GLYR1: variants seen among roughly 807,000 people sequenced by gnomAD.
The protein encoded by GLYR1 is glyoxylate reductase 1 homolog, also known as cytokine-like nuclear factor N-PAC.
Under a neutral mutation model 72.7 loss-of-function variants are expected in GLYR1, and 21 were observed. That is an observed-to-expected ratio of 0.29 (90% CI 0.20 to 0.42). The LOEUF (loss-of-function observed/expected upper bound fraction) is 0.42. GLYR1 is among the 10% of genes least tolerant of loss of function. GLYR1 has a pLI of 1.00. For missense variants in GLYR1, 594 were observed against 712.1 expected (o/e 0.83, Z 1.89); for synonymous variants, 392 against 270.2 (o/e 1.45, Z -4.42).
chr16:4,817,494 C>T, intron 10 of GLYR1, 104 bp downstream of exon 10: 1 of 701,314 alleles, frequency 1.4e-6, no homozygotes, highest in Admixed American at 2.3e-5. Context: ...AGCTTGGCTT[C>T]TATTCTATTG....
intron 15 of GLYR1, among the ~76,000 whole-genome samples, chr16:4,807,641 G>C (rs1300954906): frequency 6.6e-6 from 1 of 152,202 alleles, no homozygotes; most frequent in Non-Finnish European, 1.5e-5. Flanking sequence ...GCTGCATTGA[G>C]AAATTAACCT....
chr16:4,811,969 A>C (rs2083345117), intron 13 of GLYR1, 117 bp downstream of exon 13: 1 of 1,466,268 alleles, frequency 6.8e-7, no homozygotes, highest in Non-Finnish European at 9.2e-7. Context: ...TGCAGGTGAA[A>C]GGAAACCTTC....
At chr16:4,807,969 C>T (rs1596300242) in intron 15 of GLYR1, among the ~76,000 whole-genome samples, 1 of 152,324 alleles carries the variant, frequency 6.6e-6, no homozygotes, top group African/African-American at 2.4e-5. Flanking sequence ...CATGCGGTGG[C>T]TCATGCCTGT....
chr16:4,832,932 A>G lies in GLYR1; in HGVS notation c.156-20T>C, dbSNP rs1373343093. ...CAGGCACTAGCAGAAAACAAACACAAAAAGGGTGTGAACCATATAGCATAT... is the reference window on the plus strand; with the variant it reads ...CAGGCACTAGCAGAAAACAAACACAGAAAGGGTGTGAACCATATAGCATAT... On this transcript the variant is annotated intron_variant, in intron 3 of 15. Transcript: ENST00000321919. The G allele has an allele frequency of 1.2e-6, 2 of 1,605,654 alleles. No individual in the cohort carries two copies. The highest frequency in any genetic ancestry group is 1.3e-5 in the African/African-American group (1 of 74,736).
At position 4,813,799 on chromosome 16, in the gene GLYR1, G is replaced by C; in HGVS notation, c.1057C>G (p.Pro353Ala). ...GPSGVLQGIR[P>A]GKCYVDMSTV... ...GACATGTCCACGTAGCACTTCCCAG[G>C]GCGGATCCCTTGCAGCACACCACTG... is the stretch of plus-strand genomic sequence containing the variant. Residue 353 changes from proline (P) to alanine (A), a missense_variant, in exon 12 of 16, where the codon CCT becomes GCT. Pro to Ala is a conservative substitution (Grantham distance 27). Transcript: ENST00000321919. 1.2e-6 allele frequency: 2 copies of C among 1,613,168 alleles called. No homozygotes were observed. Among genetic ancestry groups the C allele is most frequent in the Non-Finnish European group, 1.7e-6 (2 of 1,179,648 alleles).
chr16:4,811,102 TAA>T (rs369808419), intron 15 of GLYR1, 66 bp downstream of exon 15: 46,978 of 1,359,784 alleles, frequency 0.035, no homozygotes, highest in South Asian at 0.048. Context: ...GAGACTCCGT[TAA>T]AAAAAAAAAA....
chr16:4,807,120 T>C (rs1446132068), intron 15 of GLYR1, among the ~76,000 whole-genome samples: 1 of 147,832 alleles, frequency 6.8e-6, no homozygotes, highest in Non-Finnish European at 1.5e-5. Context: ...TTTTTTTTTT[T>C]TTTTTTTTTG....
chr16:4,827,249 C>T (rs1233493622), intron 5 of GLYR1, among the ~76,000 whole-genome samples: 8 of 152,226 alleles, frequency 5.3e-5, no homozygotes, highest in East Asian at 3.8e-4. Context: ...GAGAGGAGCT[C>T]GCCAGCCAAA....
intron 9 of GLYR1, among the ~76,000 whole-genome samples, chr16:4,819,312 C>CT (rs1223085516): frequency 6.6e-6 from 1 of 152,028 alleles, no homozygotes; most frequent in African/African-American, 2.4e-5. Context: ...TGCACCCAGC[C>CT]TTTTTTCTTT....
Position 4,803,470 on chromosome 16 carries a change from G to A in GLYR1, c.*1766C>T, listed in dbSNP as rs1349764678. 3.3e-5 allele frequency: 5 copies of A among 152,642 alleles called. No homozygotes were observed. The East Asian group carries it at 9.6e-4, about 29-fold the overall frequency. 9.5% of individuals were successfully genotyped at this position (152,642 alleles called of 1,614,324 possible). A position where few individuals can be genotyped will look rare whatever the true frequency, so the allele number is the denominator to read the frequency against. On this transcript the variant is annotated 3_prime_UTR_variant, in exon 16 of 16. Transcript: ENST00000321919. The stretch of plus-strand genomic sequence containing the variant: ...AAAAGGGAAGGATTTCAAAAGAAAG[G>A]TGAAATAGCTTAAACAGAAATATTC...
At chr16:4,821,786 T>C (rs560158198) in intron 7 of GLYR1, 189 bp from the exon 8 acceptor site, 5 of 624,146 alleles carry the variant, frequency 8.0e-6, no homozygotes, top group African/African-American at 7.3e-5. Flanking sequence ...CATGCAATTC[T>C]ACCAGGTCTT....
intron 3 of GLYR1, among the ~76,000 whole-genome samples, chr16:4,844,782 C>T (rs900338684): frequency 1.3e-5 from 2 of 152,146 alleles, no homozygotes; most frequent in African/African-American, 4.8e-5. Flanking sequence ...AAGGAACTGC[C>T]TTTGGAGTTG....
intron 11 of GLYR1, 52 bp from the exon 12 acceptor site, chr16:4,813,890 A>C: frequency 4.2e-6 from 6 of 1,419,214 alleles, no homozygotes; most frequent in Non-Finnish European, 3.9e-6. Flanking sequence ...GCAGATGCTC[A>C]GGAGCCCTAC....
At chr16:4,810,630 G>A (rs1030744914) in intron 15 of GLYR1, among the ~76,000 whole-genome samples, 9 of 147,806 alleles carry the variant, frequency 6.1e-5, no homozygotes, top group African/African-American at 2.2e-4. Flanking sequence ...TTGGGAGGCC[G>A]AGGCGGGCAG....
At chr16:4,815,323 CCTA>C (rs1258051758) in intron 10 of GLYR1, among the ~76,000 whole-genome samples, 2 of 151,676 alleles carry the variant, frequency 1.3e-5, no homozygotes, top group African/African-American at 4.8e-5. Flanking sequence ...GCTGGATGGG[CCTA>C]CTATTTTCTA....
At position 4,821,546 on chromosome 16, in the gene GLYR1, C is replaced by T; in HGVS notation, c.732+1G>A. On this transcript the variant is annotated splice_donor_variant, in intron 8 of 15. Coordinates refer to ENST00000321919, the MANE Select transcript of GLYR1 (RefSeq NM_032569.4). LOFTEE classifies it high-confidence loss of function. ...AATGGGGAGGCATGGAGCCTACATA[C>T]CTCTTCACATATTTTCAACTTCTTC... 1.2e-6 allele frequency: 2 copies of T among 1,614,092 alleles called. No individual in the cohort carries two copies. The highest frequency in any genetic ancestry group is 1.7e-6 in the Non-Finnish European group (2 of 1,180,010).
intron 7 of GLYR1, among the ~76,000 whole-genome samples, chr16:4,821,851 C>G (rs1375426256): frequency 6.6e-6 from 1 of 152,230 alleles, no homozygotes; most frequent in Non-Finnish European, 1.5e-5. Context: ...CCACATCTAT[C>G]CAACTCCAAA....
chr16:4,836,589 G>C (rs962337744), intron 3 of GLYR1, among the ~76,000 whole-genome samples: 1 of 152,142 alleles, frequency 6.6e-6, no homozygotes, highest in Non-Finnish European at 1.5e-5. Flanking sequence ...CGGATGTCTC[G>C]TAAGATATCT....
At chr16:4,831,195 G>A (rs919250740) in intron 5 of GLYR1, among the ~76,000 whole-genome samples, 6 of 152,174 alleles carry the variant, frequency 3.9e-5, no homozygotes, top group African/African-American at 1.4e-4. Context: ...TTCCTCTGAA[G>A]TGCCTCTCAC....
Sources: gnomAD v4.1 joint callset for allele counts (sites outside exome capture counted in the v4.1 genomes callset) on GRCh38, gnomAD v4.1.1 for gene constraint, MANE v1.5 for transcripts, NCBI Gene and HGNC (gene_info 2026-07-23, HGNC 2026-07-21) for gene names.